LRBA: variants seen among roughly 807,000 people sequenced by gnomAD.
LRBA encodes the protein LPS responsive beige-like anchor protein, also known as lipopolysaccharide-responsive and beige-like anchor protein.
LRBA carries 176 observed loss-of-function variants against 330.0 expected under a neutral mutation model. That is an observed-to-expected ratio of 0.53 (90% CI 0.47 to 0.60). LRBA has a LOEUF of 0.60. LRBA is among the 20% of genes least tolerant of loss of function. The pLI is 0.00. For missense variants in LRBA, 3,259 were observed against 3,444.8 expected (o/e 0.95, Z 1.35); for synonymous variants, 1,230 against 1,193.0 (o/e 1.03, Z -0.64).
intron 56 of LRBA, among the ~76,000 whole-genome samples, chr4:150,277,635 C>T (rs1220674776): frequency 2.6e-5 from 4 of 152,010 alleles, no homozygotes; most frequent in African/African-American, 7.3e-5. Context: ...AATAAATTCC[C>T]TCTGCAGGTT....
intron 7 of LRBA, 40 bp from the exon 8 acceptor site, chr4:150,915,767 AT>A: frequency 6.5e-7 from 1 of 1,549,848 alleles, no homozygotes; most frequent in Non-Finnish European, 8.7e-7. Flanking sequence ...AAAGATAACA[AT>A]TATCCCAATA....
In LRBA at chr4:150,935,010, G is replaced by GAA. The variant is rs35609336; in HGVS notation, c.217-5947_217-5946dup. ...GCAACAAGAGTAAATCTCCATCTCA[G>GAA]AAAAAAAAAAAAAAAATTAGCCAGG... On this transcript the variant is annotated intron_variant, in intron 2 of 56. Transcript: ENST00000651943. Among the ~76,000 whole-genome samples, 240 of 131,328 alleles carry GAA rather than the reference G, an allele frequency of 1.8e-3. 1 individual carries two copies. The highest frequency in any genetic ancestry group is 2.4e-3 in the Admixed American group (30 of 12,750). The allele number at this position is 131,328 out of a possible 152,430, so 86.2% of individuals were successfully genotyped here.
intron 2 of LRBA, among the ~76,000 whole-genome samples, chr4:150,962,946 T>C (rs1738319195): frequency 6.8e-6 from 1 of 146,228 alleles, no homozygotes; most frequent in South Asian, 2.1e-4. Flanking sequence ...AGAGCCAGAC[T>C]CTGTCTGAAA....
intron 31 of LRBA, among the ~76,000 whole-genome samples, chr4:150,808,988 T>C (rs1301604268): frequency 6.6e-6 from 1 of 152,136 alleles, no homozygotes; most frequent in Non-Finnish European, 1.5e-5. Flanking sequence ...TTCCCAAAGA[T>C]TGTTGAATCT....
At position 150,893,269 on chromosome 4, in the gene LRBA, ATACT is replaced by A. The variant is rs1729667120; in HGVS notation, c.2068-124_2068-121del. ...ATATAAGTAGACATATGTGTGATAT[ATACT>A]TATTTTTAACAAATTATGTTCTTTA... On this transcript the variant is annotated intron_variant, in intron 16 of 56. Coordinates refer to ENST00000651943, the MANE Select transcript of LRBA (RefSeq NM_001364905.1). 4 of 584,356 alleles carry A rather than the reference ATACT, an allele frequency of 6.8e-6. No individual in the cohort carries two copies. In the South Asian group the frequency reaches 1.0e-4, roughly 15 times the overall value. 36.2% of individuals were successfully genotyped at this position (584,356 alleles called of 1,614,324 possible). A position where few individuals can be genotyped will look rare whatever the true frequency, so the allele number is the denominator to read the frequency against.
chr4:150,444,665 T>G (rs1223041831), intron 44 of LRBA, among the ~76,000 whole-genome samples: 1 of 152,226 alleles, frequency 6.6e-6, no homozygotes, highest in African/African-American at 2.4e-5. Flanking sequence ...ATAAGCACTT[T>G]TGTTGTCAAG....
At chr4:150,736,201 A>T (rs1012300436) in intron 35 of LRBA, among the ~76,000 whole-genome samples, 14 of 152,338 alleles carry the variant, frequency 9.2e-5, no homozygotes, top group Admixed American at 9.2e-4. Flanking sequence ...ACTGCTAATC[A>T]GAAACCAAAA....
At chr4:150,495,514 T>G (rs1250953114) in intron 40 of LRBA, among the ~76,000 whole-genome samples, 1 of 152,166 alleles carries the variant, frequency 6.6e-6, no homozygotes, top group African/African-American at 2.4e-5. Flanking sequence ...AAATTTGAGA[T>G]TTAAAACAGA....
chr4:150,581,545 TA>T (rs35940180), intron 40 of LRBA: 15,740 of 179,186 alleles, frequency 0.088, 1,434 homozygotes, highest in African/African-American at 0.27. Context: ...TAGAATCATT[TA>T]AAAAAAAAAA....
At chr4:150,950,540 T>G (rs1368806957) in intron 2 of LRBA, among the ~76,000 whole-genome samples, 1 of 150,514 alleles carries the variant, frequency 6.6e-6, no homozygotes, top group Non-Finnish European at 1.5e-5. Context: ...TTAGGGTACA[T>G]GAAAGAAAGA....
intron 33 of LRBA, among the ~76,000 whole-genome samples, chr4:150,798,731 T>C (rs1741155258): frequency 6.6e-6 from 1 of 152,224 alleles, no homozygotes; most frequent in Admixed American, 6.5e-5. Context: ...TCACCAAAAA[T>C]ATCTTTAGAA....
At chr4:150,697,344 A>AAAAAAAAAAAAAAAAAAAAAAAAC (rs1561527638) in intron 36 of LRBA, among the ~76,000 whole-genome samples, 2 of 148,740 alleles carry the variant, frequency 1.3e-5, no homozygotes, top group African/African-American at 5.0e-5. Context: ...AAAAAAAAAA[A>AAAAAAAAAAAAAAAAAAAAAAAAC]AAAAAAACAG....
At chr4:150,275,018 C>T (rs945078405) in intron 56 of LRBA, among the ~76,000 whole-genome samples, 8 of 152,106 alleles carry the variant, frequency 5.3e-5, no homozygotes, top group South Asian at 4.1e-4. Context: ...AACATCAATG[C>T]GAAAATCCTC....
intron 42 of LRBA, among the ~76,000 whole-genome samples, chr4:150,477,632 A>G (rs554773284): frequency 6.6e-6 from 1 of 152,198 alleles, no homozygotes; most frequent in African/African-American, 2.4e-5. Flanking sequence ...ATCAAATTGT[A>G]ACCCCCAGTG....
intron 11 of LRBA, among the ~76,000 whole-genome samples, 193 bp from the exon 12 acceptor site, chr4:150,906,598 A>G (rs1731368383): frequency 6.6e-6 from 1 of 152,204 alleles, no homozygotes; most frequent in African/African-American, 2.4e-5. Context: ...TTACTCAGAT[A>G]TTTATTTCAT....
intron 28 of LRBA, among the ~76,000 whole-genome samples, chr4:150,832,736 C>T (rs1032638978): frequency 4.6e-5 from 7 of 151,940 alleles, no homozygotes; most frequent in Non-Finnish European, 1.0e-4. Flanking sequence ...AAGAAAAAAA[C>T]TGAAGCTATT....
At chr4:150,553,755 T>C (rs188395291) in intron 40 of LRBA, among the ~76,000 whole-genome samples, 16 of 152,210 alleles carry the variant, frequency 1.1e-4, no homozygotes, top group Admixed American at 2.0e-4. Flanking sequence ...CTAGAGAAAT[T>C]TGTCTCCAAA....
chr4:150,650,686 G>A (rs992954481), intron 37 of LRBA, among the ~76,000 whole-genome samples: 2 of 151,916 alleles, frequency 1.3e-5, no homozygotes, highest in Non-Finnish European at 2.9e-5. Flanking sequence ...TGAAGTTTAT[G>A]TTAAAATGCT....
chr4:150,334,450 A>G (rs542790640), intron 48 of LRBA, among the ~76,000 whole-genome samples: 1 of 152,300 alleles, frequency 6.6e-6, no homozygotes, highest in South Asian at 2.1e-4. Flanking sequence ...ATAAAGACAG[A>G]TATCTAAGAA....
Sources: allele counts gnomAD v4.1 joint callset (sites outside exome capture counted in the v4.1 genomes callset), GRCh38; gene constraint gnomAD v4.1.1; transcripts MANE v1.5; gene names NCBI Gene and HGNC (gene_info 2026-07-23, HGNC 2026-07-21).